FOXP2: variants seen among roughly 807,000 people sequenced by gnomAD.
FOXP2 encodes the protein forkhead box protein P2.
A neutral mutation model predicts 115.8 loss-of-function variants in FOXP2; 12 were observed. The ratio of observed to expected loss-of-function variants is 0.10; its 90% CI spans 0.07 to 0.17. The LOEUF is 0.17. Ranked by LOEUF, FOXP2 falls within the 10% of genes least tolerant of loss-of-function variation. The pLI is 1.00. For missense variants in FOXP2, 629 were observed against 843.5 expected, an observed-to-expected ratio of 0.75 and a Z score of 3.15; for synonymous variants, 328 against 297.7, an observed-to-expected ratio of 1.10 and a Z score of -1.05.
chr7:114,415,937 G>A (rs959938227), intron 1 of FOXP2, among the ~76,000 whole-genome samples: 2 of 151,886 alleles, frequency 1.3e-5, no homozygotes, highest in Admixed American at 6.6e-5. Context: ...TGGTTGGTGG[G>A]TCTTTTTCAA....
chr7:114,472,587 A>G (rs961113019), intron 2 of FOXP2, among the ~76,000 whole-genome samples: 2 of 152,124 alleles, frequency 1.3e-5, no homozygotes, highest in Admixed American at 6.5e-5. Flanking sequence ...ACCTCAGGTG[A>G]TCCACCAACC....
rs75305821 is a variant in FOXP2 at position 114,339,044 on chromosome 7, A to G, written c.-11+50935A>G. Among the ~76,000 whole-genome samples the G allele has an allele frequency of 7.9e-3, 1,193 of 151,216 alleles. 24 individuals are homozygous for G. Among genetic ancestry groups the G allele is most frequent in the African/African-American group, 0.027 (1,132 of 41,444 alleles). ...GTTTTATGTAGTTCTGCATCTTTCTAAACTAAATTGTAGCTTTTCCAGAAA... is the reference window on the plus strand; with the variant it reads ...GTTTTATGTAGTTCTGCATCTTTCTGAACTAAATTGTAGCTTTTCCAGAAA... On this transcript the variant is annotated intron_variant, in intron 2 of 17. Transcript: ENST00000634411.
At chr7:114,535,052 A>C (rs1438586572) in intron 3 of FOXP2, among the ~76,000 whole-genome samples, 1 of 151,766 alleles carries the variant, frequency 6.6e-6, no homozygotes, top group South Asian at 2.1e-4. Flanking sequence ...TTATAGTAAA[A>C]TGGTGTGGAA....
chr7:114,628,443 A>C, intron 3 of FOXP2, 97 bp from the exon 4 acceptor site: 1 of 1,511,432 alleles, frequency 6.6e-7, no homozygotes. Context: ...CATCAATGCT[A>C]AAGAATTTAT....
chr7:114,465,055 A>G (rs759950724), intron 2 of FOXP2, among the ~76,000 whole-genome samples: 1 of 152,220 alleles, frequency 6.6e-6, no homozygotes, highest in Non-Finnish European at 1.5e-5. Flanking sequence ...AGATGTGGAC[A>G]TTATAGTTGA....
intron 1 of FOXP2, among the ~76,000 whole-genome samples, chr7:114,241,553 G>A (rs1287389658): frequency 6.6e-6 from 1 of 151,870 alleles, no homozygotes; most frequent in African/African-American, 2.4e-5. Flanking sequence ...CCTTCATATG[G>A]GTAGTATTTT....
At chr7:114,597,760 A>G (rs1197031868) in intron 3 of FOXP2, among the ~76,000 whole-genome samples, 1 of 152,178 alleles carries the variant, frequency 6.6e-6, no homozygotes, top group African/African-American at 2.4e-5. Flanking sequence ...TTGGCAAGAT[A>G]TATTGCTTCC....
chr7:114,147,194 G>T (rs1014176628), intron 1 of FOXP2, among the ~76,000 whole-genome samples: 2 of 152,124 alleles, frequency 1.3e-5, no homozygotes, highest in East Asian at 1.9e-4. Flanking sequence ...ATAAGATGGG[G>T]TTGTTATAGG....
intron 3 of FOXP2, among the ~76,000 whole-genome samples, chr7:114,592,630 A>G (rs1368451552): frequency 6.6e-6 from 1 of 151,956 alleles, no homozygotes; most frequent in Non-Finnish European, 1.5e-5. Flanking sequence ...AATAGTGGTA[A>G]TAGTGTGTAA....
chr7:114,497,101 T>G (rs780513059), intron 2 of FOXP2, among the ~76,000 whole-genome samples: 17 of 152,174 alleles, frequency 1.1e-4, no homozygotes, highest in Non-Finnish European at 2.4e-4. Context: ...AGTTGATAGG[T>G]AAATTTCAAA....
intron 1 of FOXP2, among the ~76,000 whole-genome samples, chr7:114,223,875 T>TTTC (rs1794683598): frequency 2.6e-5 from 4 of 151,932 alleles, no homozygotes; most frequent in African/African-American, 9.7e-5. Context: ...TTTTTTATGG[T>TTTC]TAGAATTTTT....
chr7:114,445,649 G>A (rs1007145431), intron 2 of FOXP2, among the ~76,000 whole-genome samples: 3 of 151,786 alleles, frequency 2.0e-5, no homozygotes, highest in African/African-American at 7.3e-5. Flanking sequence ...ATGCAGACTG[G>A]GATTAAGTAT....
At chr7:114,333,293 G>A (rs1450013156) in intron 2 of FOXP2, among the ~76,000 whole-genome samples, 2 of 152,114 alleles carry the variant, frequency 1.3e-5, no homozygotes, top group Non-Finnish European at 2.9e-5. Context: ...GTTTAGTTTG[G>A]AGAAGGAGGA....
At chr7:114,353,130 A>C (rs1438077959) in intron 2 of FOXP2, among the ~76,000 whole-genome samples, 1 of 152,090 alleles carries the variant, frequency 6.6e-6, no homozygotes, top group African/African-American at 2.4e-5. Flanking sequence ...AAAAACTGCA[A>C]ACTTTTTCCT....
intron 1 of FOXP2, among the ~76,000 whole-genome samples, chr7:114,267,769 A>G (rs1045466085): frequency 9.7e-5 from 14 of 144,288 alleles, no homozygotes; most frequent in Non-Finnish European, 2.1e-4. Flanking sequence ...ATAAATAAAT[A>G]AATAAATAAA....
At chr7:114,300,156 C>T (rs540212365) in intron 2 of FOXP2, among the ~76,000 whole-genome samples, 6 of 152,022 alleles carry the variant, frequency 3.9e-5, no homozygotes, top group Non-Finnish European at 8.8e-5. Context: ...ATAGCTGCTT[C>T]TCTGGTTCTT....
chr7:114,655,432 G>C (rs1806530628), intron 10 of FOXP2, among the ~76,000 whole-genome samples: 1 of 152,054 alleles, frequency 6.6e-6, no homozygotes, highest in Non-Finnish European at 1.5e-5. Flanking sequence ...TGAAAGAATT[G>C]CTAATTGCGT....
intron 2 of FOXP2, among the ~76,000 whole-genome samples, chr7:114,467,021 T>G (rs914772153): frequency 1.3e-5 from 2 of 152,224 alleles, no homozygotes; most frequent in South Asian, 4.1e-4. Flanking sequence ...TCAGCAAGTA[T>G]GCTCACCACA....
chr7:114,513,787 T>C (rs1157625269), intron 2 of FOXP2, among the ~76,000 whole-genome samples: 1 of 152,138 alleles, frequency 6.6e-6, no homozygotes, highest in Non-Finnish European at 1.5e-5. Flanking sequence ...TTTTAGAATC[T>C]TGCATAATAT....
Sources: gnomAD v4.1 joint callset for allele counts (sites outside exome capture counted in the v4.1 genomes callset) on GRCh38, gnomAD v4.1.1 for gene constraint, MANE v1.5 for transcripts, NCBI Gene and HGNC (gene_info 2026-07-23, HGNC 2026-07-21) for gene names.